Variants in AAR2 observed in about 807,000 individuals in gnomAD.
AAR2 encodes protein AAR2 homolog.
In AAR2, 31 loss-of-function variants were observed where a neutral mutation model predicts 26.9. The observed-to-expected ratio is 1.15, with a 90% CI of 0.86 to 1.55. AAR2 has a LOEUF of 1.55. Among genes scored for constraint, AAR2 ranks in the 40% most tolerant of loss-of-function variants. The pLI is 0.00. For synonymous variants in AAR2, 188 were observed against 196.1 expected (o/e 0.96, Z 0.34); for missense variants, 430 against 491.3 (o/e 0.88, Z 1.18).
At chr20:36,241,938 T>C (rs2064684713) in intron 2 of AAR2, among the ~76,000 whole-genome samples, 1 of 152,140 alleles carries the variant, frequency 6.6e-6, no homozygotes, top group Non-Finnish European at 1.5e-5. Context: ...TTGACAGCAT[T>C]GGGCATGACA....
rs202224152 is a variant in AAR2 at position 36,244,823 on chromosome 20, A to G, written c.884A>G (p.Tyr295Cys). 1.7e-4 allele frequency: 272 copies of G among 1,613,974 alleles called. No homozygotes were observed. Among genetic ancestry groups the G allele is most frequent in the Non-Finnish European group, 2.2e-4 (265 of 1,180,016 alleles). The change falls in exon 3 of 4, where the codon TAC becomes TGC. Residue 295 changes from tyrosine to cysteine, a missense_variant. Transcript: ENST00000320849. ...EAAMMKHHTLYINLISILYHQ... is the reference protein window; with the variant it reads ...EAAMMKHHTLCINLISILYHQ... ...GCCATGATGAAGCACCACACCCTCT[A>G]CATCAACCTCATCTCCATCCTGTAC...
intron 3 of AAR2, 40 bp downstream of exon 3, chr20:36,244,966 C>A: frequency 6.4e-7 from 1 of 1,553,910 alleles, no homozygotes; most frequent in South Asian, 1.1e-5. Context: ...ACATGTGGGT[C>A]AGAATTGAGG....
intron 3 of AAR2, among the ~76,000 whole-genome samples, chr20:36,253,643 T>C (rs2064797609): frequency 6.6e-6 from 1 of 152,194 alleles, no homozygotes; most frequent in African/African-American, 2.4e-5. Flanking sequence ...AAAATTACCA[T>C]TCTGCTCCCC....
At chr20:36,242,364 T>TTTGTTGTTGTTG (rs78763281) in intron 2 of AAR2, among the ~76,000 whole-genome samples, 3 of 145,156 alleles carry the variant, frequency 2.1e-5, no homozygotes, top group South Asian at 2.2e-4. Context: ...AGGTACATCT[T>TTTGTTGTTGTTG]TTGTTGTTGT....
intron 3 of AAR2, among the ~76,000 whole-genome samples, chr20:36,251,419 G>T (rs550563374): frequency 6.6e-6 from 1 of 151,802 alleles, no homozygotes; most frequent in African/African-American, 2.4e-5. Flanking sequence ...CCACAATAAG[G>T]TTGATTTTTT....
chr20:36,248,062 A>AT (rs776895062), intron 3 of AAR2, among the ~76,000 whole-genome samples: 90 of 152,080 alleles, frequency 5.9e-4, no homozygotes, highest in South Asian at 2.7e-3. Flanking sequence ...CCGGAACCTG[A>AT]TTTTCCCTCT....
chr20:36,249,448 T>C (rs2064764460), intron 3 of AAR2, among the ~76,000 whole-genome samples: 1 of 152,252 alleles, frequency 6.6e-6, no homozygotes, highest in Non-Finnish European at 1.5e-5. Flanking sequence ...TATAGTCATC[T>C]AACCTGTTTT....
chr20:36,255,853 C>T lies in AAR2; in HGVS notation c.*108C>T, dbSNP rs1480820865. The T allele has an allele frequency of 1.5e-6, 2 of 1,346,314 alleles. No homozygotes were observed. Among genetic ancestry groups the T allele is most frequent in the African/African-American group, 1.5e-5 (1 of 67,806 alleles). 83.4% of individuals were successfully genotyped at this position (1,346,314 alleles called of 1,614,324 possible). A position where few individuals can be genotyped will look rare whatever the true frequency, so the allele number is the denominator to read the frequency against. On this transcript the variant is annotated 3_prime_UTR_variant, in exon 4 of 4. Transcript: ENST00000320849. ...GGACCTGCCAGGGCAGCAATCTCTC[C>T]AGGTCCTGCAAAGATGGAGCCAGAA...
intron 2 of AAR2, among the ~76,000 whole-genome samples, chr20:36,242,364 T>TTTGTTG (rs78763281): frequency 0.015 from 2,139 of 145,254 alleles, 11 homozygotes; most frequent in Middle Eastern, 0.028. Context: ...AGGTACATCT[T>TTTGTTG]TTGTTGTTGT....
At chr20:36,239,776 T>C in intron 1 of AAR2, 45 bp from the exon 2 acceptor site, 2 of 1,436,290 alleles carry the variant, frequency 1.4e-6, no homozygotes, top group Middle Eastern at 1.9e-4. Context: ...AAATGAAGCA[T>C]CTTTCCCCCA....
chr20:36,254,124 A>G (rs2064801396), intron 3 of AAR2, among the ~76,000 whole-genome samples: 1 of 152,206 alleles, frequency 6.6e-6, no homozygotes, highest in Non-Finnish European at 1.5e-5. Context: ...CAGAGACCCT[A>G]AGAGATATGT....
At chr20:36,255,105 A>G (rs955243056) in intron 3 of AAR2, among the ~76,000 whole-genome samples, 2 of 152,190 alleles carry the variant, frequency 1.3e-5, no homozygotes, top group Non-Finnish European at 1.5e-5. Context: ...AAAATCAAAG[A>G]CAGCTTTTAA....
intron 3 of AAR2, among the ~76,000 whole-genome samples, chr20:36,247,603 C>T (rs536660114): frequency 6.6e-6 from 1 of 152,224 alleles, no homozygotes; most frequent in African/African-American, 2.4e-5. Context: ...CATGGTGGCT[C>T]ACGCCTGTGA....
At chr20:36,249,832 A>G (rs2064767463) in intron 3 of AAR2, among the ~76,000 whole-genome samples, 1 of 152,228 alleles carries the variant, frequency 6.6e-6, no homozygotes, top group Non-Finnish European at 1.5e-5. Context: ...GCTCCTGTAT[A>G]TGATTAGAGC....
intron 2 of AAR2, among the ~76,000 whole-genome samples, chr20:36,243,829 A>G (rs2064707308): frequency 6.6e-6 from 1 of 152,254 alleles, no homozygotes; most frequent in Non-Finnish European, 1.5e-5. Flanking sequence ...TAACTTGCCC[A>G]AGGTCACACA....
At chr20:36,249,849 T>G (rs568079965) in intron 3 of AAR2, among the ~76,000 whole-genome samples, 1 of 152,230 alleles carries the variant, frequency 6.6e-6, no homozygotes, top group Non-Finnish European at 1.5e-5. Context: ...GAGCCCCAGA[T>G]GAAACATCCC....
chr20:36,241,722 G>A (rs142621984), intron 2 of AAR2, among the ~76,000 whole-genome samples: 98 of 152,266 alleles, frequency 6.4e-4, no homozygotes, highest in African/African-American at 1.9e-3. Flanking sequence ...GGCAGAGGTC[G>A]CAGTGAACCA....
chr20:36,242,811 A>C (rs1174757557), intron 2 of AAR2, among the ~76,000 whole-genome samples: 1 of 151,978 alleles, frequency 6.6e-6, no homozygotes, highest in East Asian at 1.9e-4. Flanking sequence ...AATTCTTCAA[A>C]ATATATCTTG....
chr20:36,243,951 C>A (rs1728401984), intron 2 of AAR2, among the ~76,000 whole-genome samples: 1 of 152,172 alleles, frequency 6.6e-6, no homozygotes, highest in African/African-American at 2.4e-5. Context: ...TGTGGTTAAG[C>A]AAACAAAAAT....
Sources: allele counts gnomAD v4.1 joint callset (sites outside exome capture counted in the v4.1 genomes callset), GRCh38; gene constraint gnomAD v4.1.1; transcripts MANE v1.5; gene names NCBI Gene and HGNC (gene_info 2026-07-23, HGNC 2026-07-21).